The following XPO7 variants were observed in gnomAD, a reference collection of about 807,000 sequenced individuals.
XPO7 encodes the protein exportin-7.
A neutral mutation model predicts 144.3 loss-of-function variants in XPO7; 21 were observed. That is an observed-to-expected ratio of 0.15 (90% CI 0.10 to 0.21). XPO7 has a LOEUF of 0.21. Among genes scored for constraint, XPO7 ranks in the 10% least tolerant of loss-of-function variants. XPO7 has a pLI of 1.00. For missense variants in XPO7, 808 were observed against 1,325.8 expected (o/e 0.61, Z 6.06); for synonymous variants, 580 against 499.6 (o/e 1.16, Z -2.15).
chr8:21,972,267 C>T (rs1272844903), intron 5 of XPO7, among the ~76,000 whole-genome samples: 1 of 151,894 alleles, frequency 6.6e-6, no homozygotes, highest in African/African-American at 2.4e-5. Context: ...CACCTGAGGT[C>T]AGGAGATCAA....
intron 21 of XPO7, among the ~76,000 whole-genome samples, chr8:21,998,224 G>A (rs1228645369): frequency 6.6e-6 from 1 of 152,102 alleles, no homozygotes; most frequent in Non-Finnish European, 1.5e-5. Context: ...GGCGGATCAC[G>A]AGGTCAGGAG....
chr8:21,964,894 T>C (rs1212420823), intron 1 of XPO7, among the ~76,000 whole-genome samples: 1 of 152,188 alleles, frequency 6.6e-6, no homozygotes, highest in Non-Finnish European at 1.5e-5. Context: ...AGAGTTGCAG[T>C]GGGGGAACCA....
chr8:21,973,672 A>T (rs1234569869), intron 5 of XPO7, among the ~76,000 whole-genome samples: 1 of 152,226 alleles, frequency 6.6e-6, no homozygotes, highest in Admixed American at 6.5e-5. Context: ...CTCTTGGATG[A>T]ATTGATCAGT....
chr8:21,960,366 C>T (rs1811685145), intron 1 of XPO7, among the ~76,000 whole-genome samples: 1 of 152,186 alleles, frequency 6.6e-6, no homozygotes, highest in Admixed American at 6.5e-5. Flanking sequence ...CCGTTAGAGA[C>T]TATGAGAAGG....
At chr8:21,956,464 A>T (rs1300953529) in intron 1 of XPO7, among the ~76,000 whole-genome samples, 3 of 152,134 alleles carry the variant, frequency 2.0e-5, no homozygotes, top group Non-Finnish European at 4.4e-5. Context: ...GATGTTTTTC[A>T]GTTCTAGGAA....
At chr8:21,925,551 G>C (rs2117237319) in intron 1 of XPO7, among the ~76,000 whole-genome samples, 1 of 152,328 alleles carries the variant, frequency 6.6e-6, no homozygotes, top group Middle Eastern at 3.4e-3. Context: ...GGTGGTTATT[G>C]TAAGACTTAC....
chr8:21,984,741 G>T lies in XPO7; in HGVS notation c.1373G>T (p.Cys458Phe). The change falls in exon 12 of 28, where the codon TGT becomes TTT. Residue 458 changes from cysteine (C) to phenylalanine (F), a missense_variant. Around this residue, in one of 5 missense-constraint regions of XPO7, gnomAD observed 416 missense variants for 612.5 expected, o/e 0.68. Coordinates refer to ENST00000252512, the MANE Select transcript of XPO7 (RefSeq NM_015024.5). ...TIGRCEYEKT[C>F]ALLVQLFDQS... Reference sequence around the variant, plus strand: ...GGGCGTTGTGAATATGAGAAGACGTGTGCACTCCTCGTGCAGTTGTTTGAC... The same window carrying T: ...GGGCGTTGTGAATATGAGAAGACGTTTGCACTCCTCGTGCAGTTGTTTGAC... 1 of 1,614,000 alleles carries T rather than the reference G, an allele frequency of 6.2e-7. No individual in the cohort carries two copies. The highest frequency in any genetic ancestry group is 8.5e-7 in the Non-Finnish European group (1 of 1,179,892).
chr8:22,003,124 T>G (rs1813209076), intron 25 of XPO7, 95 bp from the exon 26 acceptor site: 1 of 881,586 alleles, frequency 1.1e-6, no homozygotes, highest in African/African-American at 1.7e-5. Flanking sequence ...AGAAAAGGCC[T>G]TCAGCCTAAT....
At chr8:21,930,755 G>A (rs17060663) in intron 1 of XPO7, among the ~76,000 whole-genome samples, 2,439 of 152,290 alleles carry the variant, frequency 0.016, 73 homozygotes, top group African/African-American at 0.056. Context: ...CTGCAACAAT[G>A]TTATAGGAAG....
intron 1 of XPO7, 100 bp from the exon 2 acceptor site, chr8:21,966,757 C>A: frequency 1.4e-6 from 2 of 1,472,304 alleles, no homozygotes; most frequent in Non-Finnish European, 1.8e-6. Flanking sequence ...GCAATTCTTT[C>A]TTTACTGATT....
At chr8:21,967,096 T>A in intron 2 of XPO7, 93 bp downstream of exon 2, 2 of 1,468,732 alleles carry the variant, frequency 1.4e-6, no homozygotes, top group Non-Finnish European at 1.8e-6. Context: ...TGGCTTCTGT[T>A]CCCTGATTTT....
At chr8:21,928,934 T>C (rs1402611217) in intron 1 of XPO7, among the ~76,000 whole-genome samples, 4 of 152,224 alleles carry the variant, frequency 2.6e-5, no homozygotes, top group Admixed American at 6.5e-5. Context: ...GCCTAAAATA[T>C]TTACTTTCTG....
At chr8:21,945,696 G>A (rs1047964959) in intron 1 of XPO7, among the ~76,000 whole-genome samples, 1 of 152,332 alleles carries the variant, frequency 6.6e-6, no homozygotes, top group South Asian at 2.1e-4. Context: ...GAGCAAAAAT[G>A]TGTAAGAATT....
At chr8:21,965,183 A>T (rs1425373401) in intron 1 of XPO7, among the ~76,000 whole-genome samples, 1 of 151,796 alleles carries the variant, frequency 6.6e-6, no homozygotes, top group Non-Finnish European at 1.5e-5. Flanking sequence ...GGAGGGGGGA[A>T]ATAGATTTCA....
chr8:21,953,019 C>G (rs1811422303), intron 1 of XPO7, among the ~76,000 whole-genome samples: 1 of 151,910 alleles, frequency 6.6e-6, no homozygotes, highest in African/African-American at 2.4e-5. Flanking sequence ...CCGCCCCTCC[C>G]CCTCTCTCCC....
chr8:21,954,253 T>A (rs891049344), intron 1 of XPO7, among the ~76,000 whole-genome samples: 4 of 152,202 alleles, frequency 2.6e-5, no homozygotes, highest in Non-Finnish European at 5.9e-5. Flanking sequence ...AGTGTTTAAA[T>A]GGAGGTTTTA....
At chr8:21,993,744 T>A (rs901800557) in intron 19 of XPO7, among the ~76,000 whole-genome samples, 74 of 152,276 alleles carry the variant, frequency 4.9e-4, no homozygotes, top group African/African-American at 1.7e-3. Flanking sequence ...CTTATCTAGA[T>A]GGCCCACCCA....
chr8:21,922,551 TG>T (rs1407049787), intron 1 of XPO7, among the ~76,000 whole-genome samples: 1 of 152,182 alleles, frequency 6.6e-6, no homozygotes, highest in Non-Finnish European at 1.5e-5. Context: ...CTTCCTTTCA[TG>T]TTTTTTTTAA....
chr8:21,957,496 A>G (rs933216287), intron 1 of XPO7, among the ~76,000 whole-genome samples: 1 of 152,046 alleles, frequency 6.6e-6, no homozygotes, highest in Admixed American at 6.5e-5. Flanking sequence ...ATTTTTCTGT[A>G]TCCCAAAATT....
Sources: allele counts gnomAD v4.1 joint callset (sites outside exome capture counted in the v4.1 genomes callset), GRCh38; gene constraint gnomAD v4.1.1; regional missense constraint gnomAD v4.1.1; transcripts MANE v1.5; gene names NCBI Gene and HGNC (gene_info 2026-07-23, HGNC 2026-07-21).